The following VPS13A variants were observed in gnomAD, a reference collection of about 807,000 sequenced individuals.
The protein encoded by VPS13A is vacuolar protein sorting 13 homolog A, also known as intermembrane lipid transfer protein VPS13A.
In VPS13A, 264 loss-of-function variants were observed where a neutral mutation model predicts 390.9. The ratio of observed to expected loss-of-function variants is 0.68; its 90% CI spans 0.61 to 0.75. The LOEUF (loss-of-function observed/expected upper bound fraction) is 0.75, where lower values mean the gene tolerates loss of function less well. VPS13A is among the 30% of genes least tolerant of loss of function. VPS13A has a pLI of 0.00. For synonymous variants in VPS13A, 1,231 were observed against 1,227.1 expected, an observed-to-expected ratio of 1.00 and a Z score of -0.07; for missense variants, 3,409 against 3,733.9, an observed-to-expected ratio of 0.91 and a Z score of 2.27.
intron 46 of VPS13A, among the ~76,000 whole-genome samples, chr9:77,333,426 A>ATTT (rs34369162): frequency 0.035 from 3,805 of 107,568 alleles, 170 homozygotes; most frequent in East Asian, 0.095. Flanking sequence ...CTCATTAGGC[A>ATTT]TTTTTTTTTT....
intron 45 of VPS13A, among the ~76,000 whole-genome samples, chr9:77,330,149 C>T (rs893079028): frequency 8.6e-5 from 13 of 151,080 alleles, no homozygotes; most frequent in East Asian, 3.9e-4. Context: ...TGCAGTAGCT[C>T]GGACTACATG....
intron 1 of VPS13A, among the ~76,000 whole-genome samples, chr9:77,186,344 A>G (rs912034507): frequency 2.0e-5 from 3 of 152,228 alleles, no homozygotes; most frequent in African/African-American, 7.2e-5. Flanking sequence ...AAAAGACTTA[A>G]TTTACCTTCA....
intron 38 of VPS13A, among the ~76,000 whole-genome samples, chr9:77,315,889 A>G (rs1413225539): frequency 6.6e-6 from 1 of 151,852 alleles, no homozygotes; most frequent in Non-Finnish European, 1.5e-5. Flanking sequence ...TCTTTTTATA[A>G]TATGTGATTT....
At chr9:77,354,918 A>G (rs1248026233) in intron 54 of VPS13A, among the ~76,000 whole-genome samples, 1 of 152,080 alleles carries the variant, frequency 6.6e-6, no homozygotes, top group Non-Finnish European at 1.5e-5. Flanking sequence ...ATTTTTCTCT[A>G]CTTTTGCACT....
At chr9:77,386,448 T>TG (rs1192741992) in intron 68 of VPS13A, among the ~76,000 whole-genome samples, 2 of 151,900 alleles carry the variant, frequency 1.3e-5, no homozygotes, top group African/African-American at 4.8e-5. Context: ...TTTCATGGAA[T>TG]GGGATTCATA....
In VPS13A at chr9:77,345,013, G is replaced by A; in HGVS notation, c.7160G>A (p.Gly2387Glu). The A allele has an allele frequency of 6.2e-7, 1 of 1,611,784 alleles. No homozygotes were observed. Among genetic ancestry groups the A allele is most frequent in the African/African-American group, 1.3e-5 (1 of 75,022 alleles). ...CILLRLDNEL[G>E]GIIAEVNLAE... Reference sequence around the variant, plus strand: ...TTTTCTTTTTCTTTCTTCTAGCTTGGAGGTATTATAGCAGAAGTGAATTTG... The same window carrying A: ...TTTTCTTTTTCTTTCTTCTAGCTTGAAGGTATTATAGCAGAAGTGAATTTG... Residue 2387 changes from glycine to glutamate, a missense_variant, in exon 52 of 72, where the codon GGA (glycine) becomes GAA (glutamate). By Grantham distance (98) the Gly-to-Glu change is moderately conservative. This residue lies in a region of VPS13A where 2,717 missense variants were observed against 2,917.4 expected (regional missense o/e 0.93). Transcript: ENST00000360280.
At chr9:77,235,570 A>G (rs949804765) in intron 17 of VPS13A, among the ~76,000 whole-genome samples, 1 of 152,074 alleles carries the variant, frequency 6.6e-6, no homozygotes, top group Non-Finnish European at 1.5e-5. Context: ...TGGATGTATA[A>G]ATTTGTGTTC....
chr9:77,374,118 GTCTTCACCCTTCCTTTATTA>G (rs1259938463), intron 67 of VPS13A, among the ~76,000 whole-genome samples: 1 of 152,040 alleles, frequency 6.6e-6, no homozygotes, highest in Non-Finnish European at 1.5e-5. Flanking sequence ...AACTCAGTTT[GTCTTCACCCTTCCTTTATTA>G]TCTTATTTTG....
At chr9:77,218,111 AC>A (rs1822966826) in intron 10 of VPS13A, among the ~76,000 whole-genome samples, 1 of 139,998 alleles carries the variant, frequency 7.1e-6, no homozygotes, top group African/African-American at 2.6e-5. Context: ...TTCTTTGCCC[AC>A]TTTTTTTTTT....
chr9:77,302,810 T>C (rs1828459431), intron 33 of VPS13A, 105 bp from the exon 34 acceptor site: 1 of 1,224,176 alleles, frequency 8.2e-7, no homozygotes, highest in East Asian at 2.5e-5. Context: ...CAACAAATTA[T>C]TGATTTCTGC....
At chr9:77,348,661 T>G (rs1380618812) in intron 52 of VPS13A, among the ~76,000 whole-genome samples, 1 of 152,178 alleles carries the variant, frequency 6.6e-6, no homozygotes, top group African/African-American at 2.4e-5. Flanking sequence ...TGTGATCCCT[T>G]CCCTTGCCAC....
chr9:77,184,873 A>G (rs550005213), intron 1 of VPS13A, among the ~76,000 whole-genome samples: 81 of 152,256 alleles, frequency 5.3e-4, no homozygotes, highest in Admixed American at 2.5e-3. Context: ...CAGGGAGGGC[A>G]TGGAAGCTCC....
At position 77,339,581 on chromosome 9, in the gene VPS13A, G is replaced by A; in HGVS notation, c.6444G>A (p.Leu2148=). 1 of 1,599,332 alleles carries A rather than the reference G, an allele frequency of 6.3e-7. No homozygotes were observed. The highest frequency in any genetic ancestry group is 8.5e-7 in the Non-Finnish European group (1 of 1,171,780). ...GHSAQICTAQ[L]GKARLHLKLL... is the part of the protein sequence containing the mutation. ...CAGCCCAGATTTGTACTGCACAGTTGGGTAAAGCCAGGCTACATTTAAAAT... is the reference window on the plus strand; with the variant it reads ...CAGCCCAGATTTGTACTGCACAGTTAGGTAAAGCCAGGCTACATTTAAAAT... Residue 2148 remains leucine, a synonymous_variant, in exon 48 of 72, where the codon TTG becomes TTA. Coordinates refer to ENST00000360280, the MANE Select transcript of VPS13A (RefSeq NM_033305.3).
chr9:77,358,341 GT>G lies in VPS13A; in HGVS notation c.7954-11del, dbSNP rs759692956. On this transcript the variant is annotated splice_polypyrimidine_tract_variant and intron_variant, in intron 56 of 71. Coordinates refer to ENST00000360280, the MANE Select transcript of VPS13A (RefSeq NM_033305.3). ...AATTGACATATTAATATACTGATGT[GT>G]TTTTATTTTCTTAGATCCAAAATCA... 11 of 1,591,546 alleles carry G rather than the reference GT, an allele frequency of 6.9e-6. No homozygotes were observed. The highest frequency in any genetic ancestry group is 1.7e-5 in the Admixed American group (1 of 59,942).
chr9:77,357,811 A>G lies in VPS13A; in HGVS notation c.7926A>G (p.Ser2642=), dbSNP rs1831901897. The G allele has an allele frequency of 6.2e-7, 1 of 1,613,804 alleles. No individual in the cohort carries two copies. Among genetic ancestry groups the G allele is most frequent in the Non-Finnish European group, 8.5e-7 (1 of 1,179,876 alleles). ...VEYNTSAHQS[S]FRIQIYRIQI... ...ATAACACATCTGCACATCAATCATC[A>G]TTTAGAATTCAGATTTACAGAATAC... The change falls in exon 56 of 72, where the codon TCA becomes TCG. Residue 2642 remains serine (S), a synonymous_variant. Coordinates refer to ENST00000360280, the MANE Select transcript of VPS13A (RefSeq NM_033305.3).
At chr9:77,380,468 C>T (rs531047350) in intron 67 of VPS13A, among the ~76,000 whole-genome samples, 378 of 152,128 alleles carry the variant, frequency 2.5e-3, no homozygotes, top group Non-Finnish European at 4.4e-3. Context: ...CATGCCACCA[C>T]GCCCGGCTAA....
chr9:77,204,329 G>T (rs1205889754), intron 3 of VPS13A, among the ~76,000 whole-genome samples: 1 of 152,008 alleles, frequency 6.6e-6, no homozygotes, highest in Non-Finnish European at 1.5e-5. Context: ...CAAAACTAGA[G>T]TGAGTAGTAT....
chr9:77,282,481 C>T (rs1029999218), intron 29 of VPS13A, among the ~76,000 whole-genome samples: 4 of 151,666 alleles, frequency 2.6e-5, no homozygotes, highest in African/African-American at 4.8e-5. Flanking sequence ...TTTTGTTTAT[C>T]GTATATAATA....
At chr9:77,324,579 G>C (rs545511750) in intron 45 of VPS13A, among the ~76,000 whole-genome samples, 1 of 152,224 alleles carries the variant, frequency 6.6e-6, no homozygotes, top group Non-Finnish European at 1.5e-5. Flanking sequence ...TGCATTCCTA[G>C]GATTAATCTC....
Sources: gnomAD v4.1 joint callset for allele counts (sites outside exome capture counted in the v4.1 genomes callset) on GRCh38, gnomAD v4.1.1 for gene constraint, gnomAD v4.1.1 regional missense constraint, MANE v1.5 for transcripts, NCBI Gene and HGNC (gene_info 2026-07-23, HGNC 2026-07-21) for gene names.